CCDC148: variants seen among roughly 807,000 people sequenced by gnomAD.
CCDC148 encodes coiled-coil domain containing 148, also known as coiled-coil domain-containing protein 148.
In CCDC148, 89 loss-of-function variants were observed where a neutral mutation model predicts 85.7. The observed-to-expected ratio is 1.04, with a 90% CI of 0.87 to 1.24. CCDC148 has a LOEUF of 1.24. Ranked by LOEUF, CCDC148 falls within the 50% of genes most tolerant of loss-of-function variation. The pLI is 0.00. For synonymous variants in CCDC148, 230 were observed against 213.9 expected (o/e 1.08, Z -0.66); for missense variants, 692 against 671.7 (o/e 1.03, Z -0.33).
intron 11 of CCDC148, among the ~76,000 whole-genome samples, chr2:158,192,443 T>C (rs1222676480): frequency 6.6e-6 from 1 of 151,934 alleles, no homozygotes; most frequent in East Asian, 1.9e-4. Flanking sequence ...GAATGAGAAG[T>C]AGGGCAGGGT....
intron 7 of CCDC148, 70 bp downstream of exon 7, chr2:158,338,656 A>G: frequency 9.1e-7 from 1 of 1,101,148 alleles, no homozygotes; most frequent in Non-Finnish European, 1.3e-6. Context: ...AGTTGGAAGT[A>G]TAGTGATCCC....
At chr2:158,331,284 CAG>C (rs1230120407) in intron 7 of CCDC148, among the ~76,000 whole-genome samples, 2 of 152,140 alleles carry the variant, frequency 1.3e-5, no homozygotes, top group Non-Finnish European at 2.9e-5. Context: ...CATTCAGGAG[CAG>C]GTTGTTCAGT....
intron 10 of CCDC148, among the ~76,000 whole-genome samples, chr2:158,226,017 C>T (rs952892525): frequency 6.6e-6 from 1 of 152,136 alleles, no homozygotes; most frequent in Non-Finnish European, 1.5e-5. Context: ...AATCTAGGAA[C>T]TGGTTTTTTG....
rs760607482 is a variant in CCDC148 at position 158,313,756 on chromosome 2, C to T, written c.903G>A (p.Leu301=). ...RYFPHKSRHD[L]VEHEKYCDQY... ...GTATGTAGGTAGGTCCAGTACTCAC[C>T]AAATCATGCCTAGATTTGTGAGGAA... Residue 301 remains leucine (L), a splice_region_variant and synonymous_variant, in exon 8 of 14, where the codon TTG becomes TTA. Coordinates refer to ENST00000283233, the MANE Select transcript of CCDC148 (RefSeq NM_138803.4). The T allele has an allele frequency of 6.2e-7, 1 of 1,613,086 alleles. No individual in the cohort carries two copies. Among genetic ancestry groups the T allele is most frequent in the Non-Finnish European group, 8.5e-7 (1 of 1,179,520 alleles).
chr2:158,350,863 G>A (rs759817875), intron 2 of CCDC148, among the ~76,000 whole-genome samples: 11 of 151,974 alleles, frequency 7.2e-5, no homozygotes, highest in African/African-American at 2.4e-4. Context: ...CACGGCCATC[G>A]TCGTGTGCAT....
intron 1 of CCDC148, among the ~76,000 whole-genome samples, chr2:158,451,830 C>A (rs1688416888): frequency 6.6e-6 from 1 of 151,564 alleles, no homozygotes; most frequent in South Asian, 2.1e-4. Context: ...CATAGTTCAT[C>A]AAGTCATAAT....
chr2:158,387,416 G>C (rs1331672806), intron 1 of CCDC148, among the ~76,000 whole-genome samples: 2 of 152,004 alleles, frequency 1.3e-5, no homozygotes. Flanking sequence ...CCAACAGTGA[G>C]AAGTCCAGCT....
At chr2:158,448,590 C>T (rs1688259712) in intron 1 of CCDC148, among the ~76,000 whole-genome samples, 1 of 152,140 alleles carries the variant, frequency 6.6e-6, no homozygotes, top group South Asian at 2.1e-4. Flanking sequence ...GCAATCCACC[C>T]CGCTCGGCCT....
chr2:158,218,412 TA>T (rs1296823844), intron 11 of CCDC148, among the ~76,000 whole-genome samples: 2 of 152,300 alleles, frequency 1.3e-5, no homozygotes, highest in Non-Finnish European at 1.5e-5. Context: ...ATAATATGCT[TA>T]TTTTTTTTCT....
At chr2:158,198,826 T>C (rs1308465964) in intron 11 of CCDC148, among the ~76,000 whole-genome samples, 1 of 152,198 alleles carries the variant, frequency 6.6e-6, no homozygotes, top group Non-Finnish European at 1.5e-5. Flanking sequence ...CAAACAGAGC[T>C]GAAAAGCTAT....
chr2:158,249,994 A>T (rs1053950806), intron 10 of CCDC148, among the ~76,000 whole-genome samples: 1 of 152,134 alleles, frequency 6.6e-6, no homozygotes, highest in African/African-American at 2.4e-5. Context: ...AAATTAATTG[A>T]CTTTTTGTGA....
chr2:158,177,533 A>G (rs1684651935), intron 12 of CCDC148, among the ~76,000 whole-genome samples: 2 of 152,122 alleles, frequency 1.3e-5, no homozygotes, highest in Admixed American at 1.3e-4. Flanking sequence ...TCCTCTTTCA[A>G]AGCATTCACA....
At chr2:158,230,042 A>G (rs1372030353) in intron 10 of CCDC148, among the ~76,000 whole-genome samples, 2 of 152,158 alleles carry the variant, frequency 1.3e-5, no homozygotes, top group Admixed American at 1.3e-4. Context: ...ATCCTTTCCA[A>G]TCATGATTTT....
At chr2:158,369,577 C>A (rs1265610592) in intron 1 of CCDC148, among the ~76,000 whole-genome samples, 2 of 152,080 alleles carry the variant, frequency 1.3e-5, no homozygotes, top group Non-Finnish European at 2.9e-5. Context: ...TGGGCTGAGA[C>A]AATGGGGTTT....
At position 158,340,618 on chromosome 2, in the gene CCDC148, A is replaced by G; in HGVS notation, c.314T>C (p.Leu105Pro). 2.5e-6 allele frequency: 4 copies of G among 1,589,564 alleles called. No individual in the cohort carries two copies. Among genetic ancestry groups the G allele is most frequent in the Non-Finnish European group, 3.4e-6 (4 of 1,166,320 alleles). The change falls in exon 4 of 14, where the codon CTT becomes CCT. Residue 105 changes from leucine (L) to proline (P), a missense_variant. Physicochemically the swap from Leu to Pro is moderately conservative, Grantham distance 98 (BLOSUM62 -3). Coordinates refer to ENST00000283233, the MANE Select transcript of CCDC148 (RefSeq NM_138803.4). ...LNEENIGNEC[L>P]CDLTNFEQEL... ...CTTACCAAAATTTGTAAGGTCACAA[A>G]GACATTCATTTCCAATGTTCTCTTC... is the stretch of plus-strand genomic sequence containing the variant.
chr2:158,237,133 A>C (rs188819935), intron 10 of CCDC148, among the ~76,000 whole-genome samples: 1 of 152,244 alleles, frequency 6.6e-6, no homozygotes, highest in Admixed American at 6.5e-5. Context: ...CATATGCTCG[A>C]GTGTTCATGG....
At chr2:158,211,915 G>A (rs1277895606) in intron 11 of CCDC148, among the ~76,000 whole-genome samples, 1 of 152,054 alleles carries the variant, frequency 6.6e-6, no homozygotes, top group Non-Finnish European at 1.5e-5. Flanking sequence ...CTCCATTCAA[G>A]AACTACTATG....
chr2:158,443,515 A>AAAAGAAAAAAAAAG (rs748433493), intron 1 of CCDC148, among the ~76,000 whole-genome samples: 1 of 100,896 alleles, frequency 9.9e-6, no homozygotes. Flanking sequence ...AAAAAAAAAA[A>AAAAGAAAAAAAAAG]AAAAAAAAGA....
At chr2:158,198,169 GA>G (rs775465829) in intron 11 of CCDC148, among the ~76,000 whole-genome samples, 1 of 152,108 alleles carries the variant, frequency 6.6e-6, no homozygotes, top group Non-Finnish European at 1.5e-5. Flanking sequence ...CTTCTACTAA[GA>G]AAACACCTGA....
Sources: allele counts gnomAD v4.1 joint callset (sites outside exome capture counted in the v4.1 genomes callset), GRCh38; gene constraint gnomAD v4.1.1; transcripts MANE v1.5; gene names NCBI Gene and HGNC (gene_info 2026-07-23, HGNC 2026-07-21).